Variants in MYO16 observed in about 807,000 individuals in gnomAD.
MYO16 encodes the protein myosin XVI.
In MYO16, 94 loss-of-function variants were observed where a neutral mutation model predicts 205.3. That is an observed-to-expected ratio of 0.46 (90% CI 0.39 to 0.54). MYO16 has a LOEUF of 0.54. Ranked by LOEUF, MYO16 falls within the 20% of genes least tolerant of loss-of-function variation. The probability of loss-of-function intolerance (pLI) is 0.00; values close to 1 mark genes in which losing one functional copy is unlikely to be tolerated. For missense variants in MYO16, 2,315 were observed against 2,387.5 expected (o/e 0.97, Z 0.63); for synonymous variants, 988 against 954.0 (o/e 1.04, Z -0.66).
At chr13:108,593,456 T>C (rs189774781), upstream of MYO16, among the ~76,000 whole-genome samples, 51 of 152,282 alleles carry the variant, frequency 3.3e-4, 1 homozygote, top group East Asian at 9.7e-3. Context: ...TTCCTTCACC[T>C]GGACGCACCT....
chr13:108,739,300 T>A (rs9521000), intron 4 of MYO16, among the ~76,000 whole-genome samples: 5 of 151,962 alleles, frequency 3.3e-5, no homozygotes, highest in African/African-American at 1.2e-4. Flanking sequence ...ATGTTTAGTG[T>A]TTCCTTCAGG....
At chr13:108,838,690 T>TAC (rs138108851) in intron 9 of MYO16, among the ~76,000 whole-genome samples, 235 of 135,952 alleles carry the variant, frequency 1.7e-3, no homozygotes, top group African/African-American at 4.1e-3. Flanking sequence ...TATATATATA[T>TAC]ACACACACAC....
chr13:108,824,333 A>G (rs1876143394), intron 9 of MYO16, among the ~76,000 whole-genome samples: 1 of 152,130 alleles, frequency 6.6e-6, no homozygotes, highest in Admixed American at 6.6e-5. Context: ...AACATGATAT[A>G]CAAGTTCATT....
At position 109,078,745 on chromosome 13, in the gene MYO16, G is replaced by A. The variant is rs139097309; in HGVS notation, c.3336-22040G>A. Among the ~76,000 whole-genome samples, 97 of 152,248 alleles carry A rather than the reference G, an allele frequency of 6.4e-4. No individual in the cohort carries two copies. In the East Asian group the frequency reaches 0.017, roughly 27 times the overall value. ...TTGCTTTTCAGCTTTGTCACTTGGAGCCAGAGAAGAATTTAACCAAGGGCC... is the reference window on the plus strand; with the variant it reads ...TTGCTTTTCAGCTTTGTCACTTGGAACCAGAGAAGAATTTAACCAAGGGCC... On this transcript the variant is annotated intron_variant, in intron 27 of 34. Coordinates refer to ENST00000457511, the MANE Select transcript of MYO16 (RefSeq NM_001198950.3).
At chr13:108,497,395 A>G in the MYO16 span, among the ~76,000 whole-genome samples, 1 of 152,262 alleles carries the variant, frequency 6.6e-6, no homozygotes, top group Non-Finnish European at 1.5e-5. Flanking sequence ...TGTGACATTT[A>G]CTTAACACTA....
intron 4 of MYO16, among the ~76,000 whole-genome samples, chr13:108,751,074 C>CAG (rs1885222788): frequency 6.6e-6 from 1 of 151,988 alleles, no homozygotes; most frequent in South Asian, 2.1e-4. Context: ...CACACACACA[C>CAG]ACACACACAC....
At chr13:109,112,880 C>G (rs985131530) in intron 28 of MYO16, among the ~76,000 whole-genome samples, 1 of 152,188 alleles carries the variant, frequency 6.6e-6, no homozygotes, top group Non-Finnish European at 1.5e-5. Flanking sequence ...TTTCCTTCAC[C>G]TTAATACATG....
intron 34 of MYO16, among the ~76,000 whole-genome samples, chr13:109,180,392 G>T (rs750387860): frequency 6.6e-6 from 1 of 152,150 alleles, no homozygotes; most frequent in Admixed American, 6.5e-5. Flanking sequence ...CATTCAAGGT[G>T]ATGCACAAAC....
intron 23 of MYO16, among the ~76,000 whole-genome samples, chr13:109,038,377 AG>A (rs1007284040): frequency 2.0e-5 from 3 of 152,166 alleles, no homozygotes; most frequent in Non-Finnish European, 4.4e-5. Flanking sequence ...ATAGTGCAAA[AG>A]AGAGGAAGGT....
intron 24 of MYO16, 89 bp from the exon 25 acceptor site, chr13:109,052,211 A>G: frequency 9.0e-7 from 1 of 1,114,880 alleles, no homozygotes; most frequent in Non-Finnish European, 1.3e-6. Flanking sequence ...AGAATGTATC[A>G]GTGGCTAGAG....
intron 18 of MYO16, among the ~76,000 whole-genome samples, chr13:108,961,949 C>T (rs1196479393): frequency 6.6e-6 from 1 of 152,176 alleles, no homozygotes; most frequent in Non-Finnish European, 1.5e-5. Context: ...CACCCCACTA[C>T]CCAGTGTATT....
the MYO16 span, among the ~76,000 whole-genome samples, chr13:108,559,584 C>T: frequency 6.7e-6 from 1 of 148,670 alleles, no homozygotes; most frequent in African/African-American, 2.5e-5. Context: ...TGTCATTCTC[C>T]TGCCACAGCC....
chr13:108,546,395 C>A, the MYO16 span, among the ~76,000 whole-genome samples: 1 of 152,094 alleles, frequency 6.6e-6, no homozygotes, highest in South Asian at 2.1e-4. Context: ...TCAAGAGGAC[C>A]CTGAAGGTGC....
the MYO16 span, among the ~76,000 whole-genome samples, chr13:108,502,698 T>A: frequency 6.6e-6 from 1 of 152,226 alleles, no homozygotes; most frequent in Non-Finnish European, 1.5e-5. Context: ...AATGATAAAG[T>A]CTTATTCAAG....
chr13:109,018,916 G>A (rs1414586498), intron 22 of MYO16, among the ~76,000 whole-genome samples: 1 of 151,646 alleles, frequency 6.6e-6, no homozygotes, highest in Non-Finnish European at 1.5e-5. Flanking sequence ...CACATTGGGA[G>A]CTGCAGGCCA....
chr13:108,541,236 A>G, the MYO16 span, among the ~76,000 whole-genome samples: 1 of 151,912 alleles, frequency 6.6e-6, no homozygotes, highest in Admixed American at 6.6e-5. Flanking sequence ...TCTGTAAGTG[A>G]CTTTACAGAC....
At chr13:108,580,419 C>T in the MYO16 span, among the ~76,000 whole-genome samples, 1 of 152,204 alleles carries the variant, frequency 6.6e-6, no homozygotes, top group Non-Finnish European at 1.5e-5. Context: ...CTCCTACTAG[C>T]TGGACAGTTC....
intron 3 of MYO16, among the ~76,000 whole-genome samples, chr13:108,719,660 C>T (rs1008856215): frequency 1.1e-4 from 16 of 152,258 alleles, no homozygotes; most frequent in Non-Finnish European, 2.1e-4. Context: ...CACCCCAGGC[C>T]GCACCCACTT....
intron 1 of MYO16, among the ~76,000 whole-genome samples, chr13:108,648,098 G>A (rs925919671): frequency 6.6e-6 from 1 of 152,170 alleles, no homozygotes; most frequent in Non-Finnish European, 1.5e-5. Flanking sequence ...ATTATGTGGT[G>A]AGCCAACTGC....
Sources: gnomAD v4.1 joint callset for allele counts (sites outside exome capture counted in the v4.1 genomes callset) on GRCh38, gnomAD v4.1.1 for gene constraint, MANE v1.5 for transcripts, NCBI Gene and HGNC (gene_info 2026-07-23, HGNC 2026-07-21) for gene names.